TSPAN9: variants seen among roughly 807,000 people sequenced by gnomAD.
TSPAN9 encodes the protein tetraspanin 9.
Under a neutral mutation model 31.0 loss-of-function variants are expected in TSPAN9, and 16 were observed. The ratio of observed to expected loss-of-function variants is 0.52; its 90% CI spans 0.35 to 0.78. TSPAN9 has a LOEUF of 0.78. TSPAN9 is among the 30% of genes least tolerant of loss of function. The pLI, the probability that TSPAN9 is intolerant of heterozygous loss-of-function variation, is 0.01. For synonymous variants in TSPAN9, 145 were observed against 121.6 expected (o/e 1.19, Z -1.27); for missense variants, 272 against 312.5 (o/e 0.87, Z 0.98).
intron 3 of TSPAN9, among the ~76,000 whole-genome samples, chr12:3,226,935 C>G (rs535490113): frequency 1.3e-5 from 2 of 149,706 alleles, no homozygotes; most frequent in Admixed American, 6.7e-5. Context: ...CCAAGAAGCC[C>G]GAAGGGTTTC....
Position 3,140,936 on chromosome 12 carries a change from T to A in TSPAN9, c.-18+57217T>A, listed in dbSNP as rs183694836. Among the ~76,000 whole-genome samples, 3 of 148,400 alleles carry A rather than the reference T, an allele frequency of 2.0e-5. No homozygotes were observed. In the East Asian group the frequency reaches 6.0e-4, roughly 30 times the overall value. ...ATGTGTCTAGATTAAGGACCAAGGG[T>A]GTTTTGGGTTATTGGAGAAGGCTGA... On this transcript the variant is annotated intron_variant, in intron 2 of 8. Coordinates refer to ENST00000011898, the MANE Select transcript of TSPAN9 (RefSeq NM_006675.5).
intron 3 of TSPAN9, among the ~76,000 whole-genome samples, chr12:3,248,405 C>CATT (rs1362548072): frequency 6.6e-6 from 1 of 152,154 alleles, no homozygotes; most frequent in Non-Finnish European, 1.5e-5. Context: ...TGTGTGCTCT[C>CATT]TTAGTTTCCT....
rs1489092271 is a variant in TSPAN9 at position 3,095,639 on chromosome 12, C to T, written c.-18+11920C>T. ...TGGCCGGGCGGAGGGCTGACCCCCC[C>T]CACCTCCCTCCCGGACGGGGCGGCT... On this transcript the variant is annotated intron_variant, in intron 2 of 8. Transcript: ENST00000011898. 6.2e-5 allele frequency among the ~76,000 whole-genome samples: 9 copies of T among 144,018 alleles called. No individual in the cohort carries two copies. The East Asian group carries it at 1.9e-3, about 31-fold the overall frequency. 94.5% of individuals were successfully genotyped at this position (144,018 alleles called of 152,430 possible).
At chr12:3,132,879 C>T (rs191903222) in intron 2 of TSPAN9, among the ~76,000 whole-genome samples, 321 of 152,172 alleles carry the variant, frequency 2.1e-3, no homozygotes, top group African/African-American at 6.8e-3. Flanking sequence ...TGAGGACAGG[C>T]GCCACCCTGA....
chr12:3,211,229 T>G (rs1437245760), intron 3 of TSPAN9, among the ~76,000 whole-genome samples: 1 of 152,202 alleles, frequency 6.6e-6, no homozygotes, highest in Non-Finnish European at 1.5e-5. Flanking sequence ...AGGGCTCTGA[T>G]TTTTCCTCCA....
intron 2 of TSPAN9, among the ~76,000 whole-genome samples, chr12:3,133,784 T>C (rs1487349439): frequency 1.3e-5 from 2 of 152,148 alleles, no homozygotes; most frequent in African/African-American, 4.8e-5. Context: ...AAGAAACAGG[T>C]CCTGTGAAAA....
chr12:3,109,855 G>A (rs2153965245), intron 2 of TSPAN9, among the ~76,000 whole-genome samples: 1 of 150,566 alleles, frequency 6.6e-6, no homozygotes. Flanking sequence ...AAAGAGACCA[G>A]AGGAGTTGAT....
At chr12:3,084,924 A>G (rs2153962093) in intron 2 of TSPAN9, among the ~76,000 whole-genome samples, 1 of 152,306 alleles carries the variant, frequency 6.6e-6, no homozygotes, top group East Asian at 1.9e-4. Flanking sequence ...TGTGGCAGGA[A>G]TGCCTGAGCT....
Position 3,147,600 on chromosome 12 carries a change from T to C in TSPAN9, c.-17-53577T>C, listed in dbSNP as rs1425842378. Among the ~76,000 whole-genome samples the C allele has an allele frequency of 6.6e-6, 1 of 152,204 alleles. No homozygotes were observed. Among genetic ancestry groups the C allele is most frequent in the Non-Finnish European group, 1.5e-5 (1 of 68,042 alleles). ...CAGTGCTGCAACGATGGAAGTGTTCTGTTCTGTACCGCCCAGTACAGTAGC... is the reference window on the plus strand; with the variant it reads ...CAGTGCTGCAACGATGGAAGTGTTCCGTTCTGTACCGCCCAGTACAGTAGC... On this transcript the variant is annotated intron_variant, in intron 2 of 8. Transcript: ENST00000011898. The surrounding 1 kb of genome is among the most constrained non-coding windows in gnomAD (Gnocchi z 4.3).
chr12:3,204,459 C>T (rs2098373816), intron 3 of TSPAN9, among the ~76,000 whole-genome samples: 1 of 152,166 alleles, frequency 6.6e-6, no homozygotes, highest in Non-Finnish European at 1.5e-5. Flanking sequence ...AGCCCATGGT[C>T]CTCCTCCTTA....
rs559231877 is a variant in TSPAN9, at chr12:3,176,230, C to T, written c.-17-24947C>T. ...TGTCTCAGCATCGAGCCTTACGGAG[C>T]AGTGTGCAGAGTGAGAGTCTGAATG... On this transcript the variant is annotated intron_variant, in intron 2 of 8. Coordinates refer to ENST00000011898, the MANE Select transcript of TSPAN9 (RefSeq NM_006675.5). Among the ~76,000 whole-genome samples, 3 of 152,198 alleles carry T rather than the reference C, an allele frequency of 2.0e-5. No homozygotes were observed. The South Asian group carries it at 6.2e-4, about 32-fold the overall frequency.
At chr12:3,198,675 G>GT (rs2098368997) in intron 2 of TSPAN9, among the ~76,000 whole-genome samples, 1 of 86,688 alleles carries the variant, frequency 1.2e-5, no homozygotes, top group African/African-American at 5.3e-5. Context: ...ACCAGCACAG[G>GT]CCACCACCAG....
chr12:3,159,949 C>A (rs901165395), intron 2 of TSPAN9, among the ~76,000 whole-genome samples: 1 of 152,146 alleles, frequency 6.6e-6, no homozygotes, highest in East Asian at 1.9e-4. Flanking sequence ...AACTGATACA[C>A]CTATTTGTAT....
chr12:3,252,830 C>G (rs1387382622), intron 3 of TSPAN9, among the ~76,000 whole-genome samples: 1 of 152,036 alleles, frequency 6.6e-6, no homozygotes. Flanking sequence ...CTGCTGGGGG[C>G]GTGTCACTTT....
intron 3 of TSPAN9, among the ~76,000 whole-genome samples, chr12:3,238,779 C>T (rs2098395111): frequency 6.6e-6 from 1 of 152,240 alleles, no homozygotes; most frequent in Non-Finnish European, 1.5e-5. Context: ...ACAGCAGCAG[C>T]AGATGCACCG....
At chr12:3,137,840 T>G (rs1419223669) in intron 2 of TSPAN9, among the ~76,000 whole-genome samples, 6 of 152,154 alleles carry the variant, frequency 3.9e-5, no homozygotes, top group African/African-American at 1.4e-4. Flanking sequence ...GTCACACGGA[T>G]TTCTGCATGC....
intron 2 of TSPAN9, chr12:3,200,304 A>AG (rs1322151696): frequency 6.6e-6 from 1 of 152,150 alleles, no homozygotes; most frequent in African/African-American, 2.4e-5. Context: ...GGGCCCGGGG[A>AG]GGGGGCTCCA....
intron 2 of TSPAN9, among the ~76,000 whole-genome samples, chr12:3,180,270 A>G (rs2098357985): frequency 6.6e-6 from 1 of 152,112 alleles, no homozygotes; most frequent in Non-Finnish European, 1.5e-5. Flanking sequence ...TAATCCCAGC[A>G]CTTCATGAGG....
chr12:3,164,104 G>C (rs2098346998), intron 2 of TSPAN9, among the ~76,000 whole-genome samples: 1 of 152,150 alleles, frequency 6.6e-6, no homozygotes, highest in African/African-American at 2.4e-5. Flanking sequence ...CCGTTCATTA[G>C]GTGCAAAGTC....
Sources: gnomAD v4.1 joint callset for allele counts (sites outside exome capture counted in the v4.1 genomes callset) on GRCh38, gnomAD v4.1.1 for gene constraint, Gnocchi (gnomAD v3.1) non-coding constraint, MANE v1.5 for transcripts, NCBI Gene and HGNC (gene_info 2026-07-23, HGNC 2026-07-21) for gene names.